FSTL4: variants seen among roughly 807,000 people sequenced by gnomAD.
FSTL4 encodes follistatin like 4.
FSTL4 carries 28 observed loss-of-function variants against 78.2 expected under a neutral mutation model. That is an observed-to-expected ratio of 0.36 (90% CI 0.27 to 0.49). The LOEUF (loss-of-function observed/expected upper bound fraction) is 0.49. Among genes scored for constraint, FSTL4 ranks in the 20% least tolerant of loss-of-function variants. The pLI is 0.98. For missense variants in FSTL4, 922 were observed against 1,084.9 expected, an observed-to-expected ratio of 0.85 and a Z score of 2.11; for synonymous variants, 422 against 440.5, an observed-to-expected ratio of 0.96 and a Z score of 0.53.
chr5:133,773,095 AT>A, the FSTL4 span, among the ~76,000 whole-genome samples: 1 of 152,114 alleles, frequency 6.6e-6, no homozygotes, highest in Non-Finnish European at 1.5e-5. Context: ...ACTAAATGCT[AT>A]TTATGGGAAA....
At chr5:133,529,865 G>A (rs1759214713) in intron 3 of FSTL4, among the ~76,000 whole-genome samples, 2 of 151,476 alleles carry the variant, frequency 1.3e-5, no homozygotes, top group African/African-American at 2.4e-5. Context: ...AAAATGTTTC[G>A]GGTTTTTTTT....
chr5:133,316,716 C>A (rs918764059), intron 4 of FSTL4, 64 bp from the exon 5 acceptor site: 1 of 1,365,112 alleles, frequency 7.3e-7, no homozygotes, highest in Non-Finnish European at 1.0e-6. Context: ...AACATTCTTG[C>A]CGCTGGTCCA....
At chr5:133,568,087 G>A (rs1760067215) in intron 2 of FSTL4, among the ~76,000 whole-genome samples, 1 of 152,218 alleles carries the variant, frequency 6.6e-6, no homozygotes, top group Non-Finnish European at 1.5e-5. Flanking sequence ...GGACCAGGAA[G>A]AGAGAATAGC....
At chr5:133,691,690 C>T in the FSTL4 span, among the ~76,000 whole-genome samples, 276 of 152,046 alleles carry the variant, frequency 1.8e-3, 2 homozygotes, top group African/African-American at 6.2e-3. Flanking sequence ...GGGAGGGTTA[C>T]CTGGCCTCCA....
intron 3 of FSTL4, among the ~76,000 whole-genome samples, chr5:133,510,642 A>C (rs957485179): frequency 5.9e-5 from 9 of 152,138 alleles, no homozygotes; most frequent in Non-Finnish European, 8.8e-5. Flanking sequence ...TCCCACTCCA[A>C]GAGAACTGGG....
chr5:133,682,354 C>T, the FSTL4 span, among the ~76,000 whole-genome samples: 2 of 152,214 alleles, frequency 1.3e-5, no homozygotes, highest in African/African-American at 4.8e-5. Flanking sequence ...CATCTCACTG[C>T]ATTGTTATTT....
chr5:133,626,785 G>A, the FSTL4 span, among the ~76,000 whole-genome samples: 5 of 152,036 alleles, frequency 3.3e-5, no homozygotes, highest in Non-Finnish European at 7.4e-5. Flanking sequence ...AGTTAGTGAG[G>A]TTTGTTTTAT....
chr5:133,739,083 C>G, the FSTL4 span, among the ~76,000 whole-genome samples: 1 of 152,094 alleles, frequency 6.6e-6, no homozygotes, highest in Non-Finnish European at 1.5e-5. Context: ...TGCCAGGCAA[C>G]AGGATGGCTA....
intron 3 of FSTL4, among the ~76,000 whole-genome samples, chr5:133,461,497 T>A (rs1580724163): frequency 1.3e-5 from 2 of 152,314 alleles, no homozygotes; most frequent in East Asian, 3.9e-4. Flanking sequence ...TGTAAATCTG[T>A]CCTTGAAACA....
intron 1 of FSTL4, among the ~76,000 whole-genome samples, chr5:133,604,540 C>A (rs996769976): frequency 2.6e-5 from 4 of 152,126 alleles, no homozygotes; most frequent in African/African-American, 7.2e-5. Flanking sequence ...GAAACCCGGT[C>A]TCTACTAAAC....
intron 3 of FSTL4, among the ~76,000 whole-genome samples, chr5:133,441,599 T>C (rs182580974): frequency 1.4e-3 from 207 of 152,296 alleles, no homozygotes; most frequent in African/African-American, 4.8e-3. Flanking sequence ...AAGCAAGTGA[T>C]AGACAGGGCT....
At chr5:133,272,752 A>C (rs912116344) in intron 6 of FSTL4, among the ~76,000 whole-genome samples, 4 of 152,270 alleles carry the variant, frequency 2.6e-5, no homozygotes, top group African/African-American at 9.6e-5. Flanking sequence ...TTAGCACTAA[A>C]GGCAGCATCG....
the FSTL4 span, among the ~76,000 whole-genome samples, chr5:133,680,042 G>GGT: frequency 1.3e-5 from 2 of 152,122 alleles, no homozygotes; most frequent in East Asian, 3.9e-4. Flanking sequence ...GCGATGGGCA[G>GGT]GTGTCTTCTT....
chr5:133,209,238 C>G (rs929727085), intron 14 of FSTL4, among the ~76,000 whole-genome samples: 2 of 152,052 alleles, frequency 1.3e-5, no homozygotes, highest in African/African-American at 4.8e-5. Flanking sequence ...AGTATAGAAA[C>G]TGAAGTTGTG....
In FSTL4 at chr5:133,199,408, A is replaced by G; in HGVS notation, c.2216T>C (p.Phe739Ser). 1 of 1,614,192 alleles carries G rather than the reference A, an allele frequency of 6.2e-7. No homozygotes were observed. Residue 739 changes from phenylalanine (F) to serine (S), a missense_variant, in exon 16 of 16, where the codon TTC (phenylalanine) becomes TCC (serine). Transcript: ENST00000265342. This position sits in a 1 kb window ranked among gnomAD's most constrained non-coding sequence, Gnocchi z 4.4. Reference protein sequence around the residue: ...QINSGISDLAFQRSFTESNQY... With the variant: ...QINSGISDLASQRSFTESNQY... ...ATTGCTTTCAGTGAAGGAGCGCTGG[A>G]AGGCCAAGTCTGAGATGCCCGAGTT...
chr5:133,269,730 G>T (rs1171614194), intron 6 of FSTL4, among the ~76,000 whole-genome samples: 2 of 152,228 alleles, frequency 1.3e-5, no homozygotes, highest in Non-Finnish European at 2.9e-5. Context: ...TTGCCTTTGA[G>T]CTCACTTTGG....
rs1373379034 is a variant in FSTL4, at chr5:133,499,556, C to T, written c.160+67630G>A. 3.9e-5 allele frequency among the ~76,000 whole-genome samples: 6 copies of T among 152,106 alleles called. No individual in the cohort carries two copies. In the East Asian group the frequency reaches 1.2e-3, roughly 29 times the overall value. On this transcript the variant is annotated intron_variant, in intron 3 of 15. Coordinates refer to ENST00000265342, the MANE Select transcript of FSTL4 (RefSeq NM_015082.2). The stretch of plus-strand genomic sequence containing the variant: ...CCCAAATCCAAACCCAAGAATCAAC[C>T]TCCTAGGTTGCAGTTCAGCTGAAAT...
chr5:133,643,883 A>T, the FSTL4 span, among the ~76,000 whole-genome samples: 1 of 152,200 alleles, frequency 6.6e-6, no homozygotes, highest in Non-Finnish European at 1.5e-5. Context: ...CCTCGCAGCA[A>T]TTCGGGAGAG....
intron 3 of FSTL4, among the ~76,000 whole-genome samples, chr5:133,459,779 G>A (rs548446958): frequency 1.2e-4 from 19 of 152,254 alleles, no homozygotes; most frequent in Middle Eastern, 3.4e-3. Context: ...AAATGCTGTG[G>A]CGCTGAGTTT....
Sources: allele counts gnomAD v4.1 joint callset (sites outside exome capture counted in the v4.1 genomes callset), GRCh38; gene constraint gnomAD v4.1.1; non-coding constraint Gnocchi (gnomAD v3.1); transcripts MANE v1.5; gene names NCBI Gene and HGNC (gene_info 2026-07-23, HGNC 2026-07-21).